MAGT1: variants seen among roughly 807,000 people sequenced by gnomAD.
MAGT1 encodes magnesium transporter 1.
MAGT1 carries 4 observed loss-of-function variants against 28.4 expected under a neutral mutation model. The ratio of observed to expected loss-of-function variants is 0.14; its 90% CI spans 0.07 to 0.32. The LOEUF is 0.32. MAGT1 is among the 10% of genes least tolerant of loss of function. The pLI is 1.00. For missense variants in MAGT1, 193 were observed against 264.5 expected, an observed-to-expected ratio of 0.73 and a Z score of 1.88; for synonymous variants, 89 against 89.7, an observed-to-expected ratio of 0.99 and a Z score of 0.04.
At position 77,828,559 on chromosome X, in the gene MAGT1, C is replaced by A. The variant is rs782608315; in HGVS notation, c.*661G>T. The A allele has an allele frequency of 9.1e-6, 1 of 110,375 alleles. No individual in the cohort carries two copies. Among genetic ancestry groups the A allele is most frequent in the East Asian group, 2.9e-4 (1 of 3,490 alleles). The allele number at this position is 110,375 out of a possible 1,213,427, so 9.1% of individuals were successfully genotyped here. On this transcript the variant is annotated 3_prime_UTR_variant, in exon 10 of 10. Transcript: ENST00000618282. ...TCCAGCCTGTGTGACACAGCGAGACCGTCTCAAAAAAACAACAAAACAAAA... is the reference window on the plus strand; with the variant it reads ...TCCAGCCTGTGTGACACAGCGAGACAGTCTCAAAAAAACAACAAAACAAAA...
chrX:77,836,067 G>A (rs1171348583), intron 8 of MAGT1, among the ~76,000 whole-genome samples: 1 of 111,564 alleles, frequency 9.0e-6, no homozygotes, highest in African/African-American at 3.3e-5. Flanking sequence ...GTCTCCCAAA[G>A]TGCTGGGATT....
In MAGT1 at chrX:77,825,868, G is replaced by T. The variant is rs1180106540; in HGVS notation, c.*3352C>A. Among the ~76,000 whole-genome samples, 1 of 112,820 alleles carries T rather than the reference G, an allele frequency of 8.9e-6. No homozygotes were observed. Among genetic ancestry groups the T allele is most frequent in the Admixed American group, 9.4e-5 (1 of 10,629 alleles). On this transcript the variant is annotated 3_prime_UTR_variant, in exon 10 of 10. Transcript: ENST00000618282. ...AAAGAAATATGTTCAGAGAGGTTCA[G>T]GTGACACCTATGGTCATATAGTTAG... is the stretch of plus-strand genomic sequence containing the variant.
chrX:77,885,510 G>GA (rs1340867385), intron 1 of MAGT1: 1 of 104,569 alleles, frequency 9.6e-6, no homozygotes, highest in Non-Finnish European at 2.0e-5. Flanking sequence ...GCGACAGAGC[G>GA]AGACTCTGTC....
intron 7 of MAGT1, among the ~76,000 whole-genome samples, chrX:77,849,895 C>CAAAAAAAAAAAAAAAAAAAAA (rs1247445316): frequency 2.0e-5 from 1 of 50,844 alleles, no homozygotes. Context: ...AACAAAAAAC[C>CAAAAAAAAAAAAAAAAAAAAA]AAAAAAAAAA....
chrX:77,864,482 C>T (rs1024688750), intron 3 of MAGT1, among the ~76,000 whole-genome samples: 19 of 110,642 alleles, frequency 1.7e-4, no homozygotes, highest in Non-Finnish European at 3.2e-4. Context: ...ATGGATACTC[C>T]AACTATCCTG....
chrX:77,851,183 C>T (rs1212139982), intron 7 of MAGT1, among the ~76,000 whole-genome samples: 1 of 109,407 alleles, frequency 9.1e-6, no homozygotes, highest in Non-Finnish European at 1.9e-5. Flanking sequence ...GTTGGCCAGG[C>T]TGAATCCATC....
chrX:77,849,404 T>TA lies in MAGT1; in HGVS notation c.826+4496dup, dbSNP rs1173129159. Among the ~76,000 whole-genome samples the TA allele has an allele frequency of 9.2e-5, 10 of 108,615 alleles. No individual in the cohort carries two copies. In the East Asian group the frequency reaches 1.7e-3, roughly 19 times the overall value. 94.3% of individuals were successfully genotyped at this position (108,615 alleles called of 115,157 possible). On this transcript the variant is annotated intron_variant, in intron 7 of 9. Coordinates refer to ENST00000618282, the MANE Select transcript of MAGT1 (RefSeq NM_001367916.1). ...CCTGTAGGATTCCATTTATGTAAGT[T>TA]AAAAAAAAATAGGTAAAATAAACCC...
At position 77,877,313 on chromosome X, in the gene MAGT1, G is replaced by A. The variant is rs782530422; in HGVS notation, c.103-1716C>T. Among the ~76,000 whole-genome samples, 10 of 108,693 alleles carry A rather than the reference G, an allele frequency of 9.2e-5. No homozygotes were observed. In the South Asian group the frequency reaches 3.1e-3, roughly 33 times the overall value. The allele number at this position is 108,693 out of a possible 115,157, so 94.4% of individuals were successfully genotyped here. A position where few individuals can be genotyped will look rare whatever the true frequency, so the allele number is the denominator to read the frequency against. On this transcript the variant is annotated intron_variant, in intron 1 of 9. Coordinates refer to ENST00000618282, the MANE Select transcript of MAGT1 (RefSeq NM_001367916.1). ...TTGAGACCAGCCTGGCCAAAATGGC[G>A]AAACCCAGTCTCTACTAAAAATACA...
At position 77,895,185 on chromosome X, in the gene MAGT1, C is replaced by T. The variant is rs782032494; in HGVS notation, c.102+124G>A. On this transcript the variant is annotated intron_variant, in intron 1 of 9. Transcript: ENST00000618282. ...CTCACGAATTCCACAACTCCGAAAA[C>T]CGCGTAATTGAAGCCACCAAAGGCA... is the stretch of plus-strand genomic sequence containing the variant. 68 of 716,975 alleles carry T rather than the reference C, an allele frequency of 9.5e-5. No individual in the cohort carries two copies. The South Asian group carries it at 1.5e-3, about 16-fold the overall frequency. The allele number at this position is 716,975 out of a possible 1,213,427, so 59.1% of individuals were successfully genotyped here.
At chrX:77,873,982 CT>C (rs1322777104) in intron 2 of MAGT1, among the ~76,000 whole-genome samples, 7 of 104,465 alleles carry the variant, frequency 6.7e-5, no homozygotes, top group Non-Finnish European at 2.0e-5. Flanking sequence ...TCCCATGCAT[CT>C]TTTTTTTTTG....
intron 3 of MAGT1, among the ~76,000 whole-genome samples, chrX:77,862,258 G>A (rs1178723633): frequency 9.0e-6 from 1 of 110,640 alleles, no homozygotes; most frequent in East Asian, 2.8e-4. Context: ...TTATACCTTT[G>A]GCTCTAAAAT....
chrX:77,890,853 G>A (rs1243357686), intron 1 of MAGT1, among the ~76,000 whole-genome samples: 10 of 111,169 alleles, frequency 9.0e-5, no homozygotes, highest in African/African-American at 3.3e-4. Flanking sequence ...AACATCATTG[G>A]GGGTGGATTA....
intron 3 of MAGT1, among the ~76,000 whole-genome samples, chrX:77,869,038 C>A (rs1029502154): frequency 1.8e-5 from 2 of 111,490 alleles, no homozygotes; most frequent in African/African-American, 6.5e-5. Context: ...TGTAAAAACT[C>A]TTTTTTTGAG....
chrX:77,875,546 G>A lies in MAGT1; in HGVS notation c.154C>T (p.Pro52Ser), dbSNP rs1402080033. 2.5e-6 allele frequency: 3 copies of A among 1,206,031 alleles called. No homozygotes were observed. The highest frequency in any genetic ancestry group is 1.8e-5 in the African/African-American group (1 of 56,305). Residue 52 changes from proline to serine, a missense_variant, in exon 2 of 10, where the codon CCT (proline) becomes TCT (serine). Transcript: ENST00000618282. The part of the protein sequence containing the change: ...SQLMEWTNKR[P>S]VIRMNGDKFR... ...TTGTCTCCATTCATTCTTATTACAGGTCTTTTGTTAGTCCATTCCATCAGC... is the reference window on the plus strand; with the variant it reads ...TTGTCTCCATTCATTCTTATTACAGATCTTTTGTTAGTCCATTCCATCAGC...
Position 77,856,128 on chromosome X carries a change from A to C in MAGT1, c.673-538T>G, listed in dbSNP as rs1171189525. On this transcript the variant is annotated intron_variant, in intron 5 of 9. Coordinates refer to ENST00000618282, the MANE Select transcript of MAGT1 (RefSeq NM_001367916.1). ...CACAAGTTTCAAAATTGAATACTGA[A>C]AAGGCTTTTTAGAATAAAATTTTCA... is the stretch of plus-strand genomic sequence containing the variant. 3.6e-5 allele frequency among the ~76,000 whole-genome samples: 4 copies of C among 111,589 alleles called. No individual in the cohort carries two copies. In the East Asian group the frequency reaches 1.1e-3, roughly 31 times the overall value.
intron 1 of MAGT1, among the ~76,000 whole-genome samples, chrX:77,885,836 T>C (rs2077066551): frequency 9.0e-6 from 1 of 110,527 alleles, no homozygotes; most frequent in African/African-American, 3.3e-5. Flanking sequence ...AAAAATTAGC[T>C]AGGTGTGGTA....
intron 1 of MAGT1, among the ~76,000 whole-genome samples, chrX:77,882,488 C>T (rs2149027806): frequency 9.0e-6 from 1 of 111,592 alleles, no homozygotes; most frequent in Non-Finnish European, 1.9e-5. Context: ...CTGTATGGGG[C>T]TGAGAAAAAC....
intron 8 of MAGT1, among the ~76,000 whole-genome samples, chrX:77,840,125 C>T (rs1216948174): frequency 3.7e-5 from 4 of 108,473 alleles, no homozygotes; most frequent in African/African-American, 1.0e-4. Context: ...GATGGCTGGG[C>T]GTGGTGGCTC....
At chrX:77,883,389 C>T (rs1441489817) in intron 1 of MAGT1, among the ~76,000 whole-genome samples, 7 of 107,000 alleles carry the variant, frequency 6.5e-5, no homozygotes, top group African/African-American at 2.4e-4. Flanking sequence ...TGTTTATTAA[C>T]AGACTAGAAA....
Sources: gnomAD v4.1 joint callset for allele counts (sites outside exome capture counted in the v4.1 genomes callset) on GRCh38, gnomAD v4.1.1 for gene constraint, MANE v1.5 for transcripts, NCBI Gene and HGNC (gene_info 2026-07-23, HGNC 2026-07-21) for gene names.